FOXJ3: variants seen among roughly 807,000 people sequenced by gnomAD.
The protein encoded by FOXJ3 is forkhead box J3, also known as forkhead box protein J3.
Under a neutral mutation model 76.1 loss-of-function variants are expected in FOXJ3, and 22 were observed. The observed-to-expected ratio is 0.29, with a 90% CI of 0.21 to 0.41. The LOEUF (loss-of-function observed/expected upper bound fraction) is 0.41. Among genes scored for constraint, FOXJ3 ranks in the 10% least tolerant of loss-of-function variants. FOXJ3 has a pLI of 1.00. For missense variants in FOXJ3, 613 were observed against 762.1 expected, an observed-to-expected ratio of 0.80 and a Z score of 2.30; for synonymous variants, 269 against 261.2, an observed-to-expected ratio of 1.03 and a Z score of -0.29.
intron 3 of FOXJ3, among the ~76,000 whole-genome samples, chr1:42,273,578 G>A (rs1394539072): frequency 6.7e-6 from 1 of 149,102 alleles, no homozygotes; most frequent in Non-Finnish European, 1.5e-5. Flanking sequence ...GGGAGGCTGA[G>A]GCATGAGAAT....
intron 7 of FOXJ3, among the ~76,000 whole-genome samples, chr1:42,197,920 G>A (rs1334300681): frequency 3.3e-5 from 5 of 151,982 alleles, no homozygotes; most frequent in African/African-American, 1.2e-4. Context: ...TTACAGGTAT[G>A]AGCCACCTCA....
intron 2 of FOXJ3, among the ~76,000 whole-genome samples, chr1:42,299,665 T>C (rs1390863226): frequency 2.0e-5 from 3 of 151,992 alleles, no homozygotes; most frequent in East Asian, 3.9e-4. Context: ...CCTAGCCCTT[T>C]AGAGGCCAAA....
intron 6 of FOXJ3, among the ~76,000 whole-genome samples, chr1:42,204,832 CTGAATA>C (rs1264037830): frequency 1.8e-4 from 27 of 151,886 alleles, no homozygotes; most frequent in African/African-American, 6.5e-4. Flanking sequence ...AACTAGAAAT[CTGAATA>C]TGTCACTCTG....
At chr1:42,263,930 CTTTTTTTTTTTTTTTTTT>C (rs61375062) in intron 4 of FOXJ3, among the ~76,000 whole-genome samples, 7 of 71,454 alleles carry the variant, frequency 9.8e-5, no homozygotes, top group African/African-American at 3.0e-4. Flanking sequence ...AGTAGGTTAA[CTTTTTTTTTTTTTTTTTT>C]TTTTTTTTTT....
chr1:42,248,512 C>T (rs1432503997), intron 4 of FOXJ3, among the ~76,000 whole-genome samples: 29 of 139,936 alleles, frequency 2.1e-4, no homozygotes, highest in Admixed American at 1.7e-3. Context: ...CCAGCCTGGG[C>T]GACAGAGCAA....
At chr1:42,309,671 T>C (rs1021638549) in intron 2 of FOXJ3, among the ~76,000 whole-genome samples, 1 of 152,224 alleles carries the variant, frequency 6.6e-6, no homozygotes, top group South Asian at 2.1e-4. Context: ...AGATGCTCAA[T>C]ATGCTAGATG....
intron 4 of FOXJ3, among the ~76,000 whole-genome samples, chr1:42,256,005 G>C (rs1650559152): frequency 6.6e-6 from 1 of 152,200 alleles, no homozygotes; most frequent in African/African-American, 2.4e-5. Flanking sequence ...CTGAGCAACA[G>C]AGCGAGACTT....
intron 3 of FOXJ3, among the ~76,000 whole-genome samples, chr1:42,274,920 T>C (rs187044442): frequency 6.9e-6 from 1 of 144,768 alleles, no homozygotes; most frequent in East Asian, 2.0e-4. Context: ...CAAGGAGAAA[T>C]AAGAAAAAAA....
At chr1:42,240,768 A>C (rs1421083111) in intron 4 of FOXJ3, among the ~76,000 whole-genome samples, 2 of 152,254 alleles carry the variant, frequency 1.3e-5, no homozygotes. Flanking sequence ...AGAAAAGATA[A>C]ATGTAAATCT....
chr1:42,290,554 A>C (rs1570168838), intron 2 of FOXJ3, among the ~76,000 whole-genome samples: 1 of 152,194 alleles, frequency 6.6e-6, no homozygotes, highest in Non-Finnish European at 1.5e-5. Flanking sequence ...GACTCTAAGA[A>C]TCTCTCTGCC....
chr1:42,188,933 G>A lies in FOXJ3; in HGVS notation c.1454-5C>T. On this transcript the variant is annotated splice_polypyrimidine_tract_variant and splice_region_variant and intron_variant, in intron 10 of 12. Transcript: ENST00000361346. ...GTCTCATACTCTCCATCAGACCTAT[G>A]AGGAAAGCATTAAAAATATGTTAGC... is the stretch of plus-strand genomic sequence containing the variant. 6.4e-7 allele frequency: 1 copy of A among 1,563,928 alleles called. No homozygotes were observed. Among genetic ancestry groups the A allele is most frequent in the Non-Finnish European group, 8.7e-7 (1 of 1,149,114 alleles).
chr1:42,222,524 GTT>G (rs1159612190), intron 5 of FOXJ3, among the ~76,000 whole-genome samples: 1 of 152,124 alleles, frequency 6.6e-6, no homozygotes, highest in Non-Finnish European at 1.5e-5. Flanking sequence ...TGACTGTCTT[GTT>G]TACCAACTGT....
intron 2 of FOXJ3, among the ~76,000 whole-genome samples, chr1:42,308,010 A>G (rs533348386): frequency 1.3e-5 from 2 of 152,270 alleles, no homozygotes; most frequent in Admixed American, 1.3e-4. Flanking sequence ...TTCACTTACT[A>G]ACTACCCTCT....
chr1:42,260,702 T>G (rs1036610396), intron 4 of FOXJ3, among the ~76,000 whole-genome samples: 1 of 152,158 alleles, frequency 6.6e-6, no homozygotes, highest in Admixed American at 6.5e-5. Flanking sequence ...ATCACAATCC[T>G]GTAAGTTTCA....
chr1:42,225,287 A>G (rs1370561288), intron 5 of FOXJ3, among the ~76,000 whole-genome samples: 1 of 152,186 alleles, frequency 6.6e-6, no homozygotes, highest in Non-Finnish European at 1.5e-5. Flanking sequence ...TTATCCTTTA[A>G]ATGTCTGAAG....
At chr1:42,327,568 G>C (rs933641874) in intron 1 of FOXJ3, among the ~76,000 whole-genome samples, 9 of 152,022 alleles carry the variant, frequency 5.9e-5, no homozygotes, top group African/African-American at 1.9e-4. Context: ...AACAAAATTT[G>C]CAACAGTTAG....
At chr1:42,276,792 CATACTT>C (rs2124667929) in intron 3 of FOXJ3, among the ~76,000 whole-genome samples, 1 of 152,314 alleles carries the variant, frequency 6.6e-6, no homozygotes, top group East Asian at 1.9e-4. Context: ...CCCATTAAGA[CATACTT>C]ATATTATCTA....
chr1:42,317,571 T>C (rs1404550664), intron 1 of FOXJ3, among the ~76,000 whole-genome samples: 4 of 142,630 alleles, frequency 2.8e-5, no homozygotes, highest in Non-Finnish European at 6.1e-5. Flanking sequence ...CAGCAAGTGA[T>C]ATAAGAGAGA....
intron 5 of FOXJ3, among the ~76,000 whole-genome samples, chr1:42,216,539 G>GT (rs1440339330): frequency 6.6e-6 from 1 of 151,682 alleles, no homozygotes; most frequent in African/African-American, 2.4e-5. Flanking sequence ...AAAGACTACT[G>GT]TTTTCCTCTT....
Sources: gnomAD v4.1 joint callset for allele counts (sites outside exome capture counted in the v4.1 genomes callset) on GRCh38, gnomAD v4.1.1 for gene constraint, MANE v1.5 for transcripts, NCBI Gene and HGNC (gene_info 2026-07-23, HGNC 2026-07-21) for gene names.